Variants in CLVS1 observed in about 807,000 individuals in gnomAD.
CLVS1 encodes clavesin 1, also known as clavesin-1.
In CLVS1, 10 loss-of-function variants were observed where a neutral mutation model predicts 33.1. The ratio of observed to expected loss-of-function variants is 0.30; its 90% CI spans 0.19 to 0.51. The LOEUF (loss-of-function observed/expected upper bound fraction) is 0.51, where lower values mean the gene tolerates loss of function less well. Ranked by LOEUF, CLVS1 falls within the 20% of genes least tolerant of loss-of-function variation. The pLI is 0.97. For missense variants in CLVS1, 343 were observed against 433.4 expected, an observed-to-expected ratio of 0.79 and a Z score of 1.85; for synonymous variants, 163 against 166.1, an observed-to-expected ratio of 0.98 and a Z score of 0.14.
chr8:61,404,007 C>T (rs892009103), intron 3 of CLVS1, among the ~76,000 whole-genome samples: 2 of 152,094 alleles, frequency 1.3e-5, no homozygotes, highest in East Asian at 1.9e-4. Context: ...AATGAATAAT[C>T]GAAGCAAGAC....
At chr8:61,327,149 A>G (rs985076175) in intron 2 of CLVS1, among the ~76,000 whole-genome samples, 1 of 152,212 alleles carries the variant, frequency 6.6e-6, no homozygotes, top group Non-Finnish European at 1.5e-5. Context: ...TTAAAAGTGA[A>G]TCCTTTAGGA....
At position 61,376,632 on chromosome 8, in the gene CLVS1, C is replaced by A; in HGVS notation, c.483C>A (p.Ala161=). 1 of 1,614,004 alleles carries A rather than the reference C, an allele frequency of 6.2e-7. No individual in the cohort carries two copies. Among genetic ancestry groups the A allele is most frequent in the African/African-American group, 1.3e-5 (1 of 75,036 alleles). ...ACTCCTTCACAGACATCCTTCGTGC[C>A]ATCCTGCTGTCATTGGAAGTCCTAA... is the stretch of plus-strand genomic sequence containing the variant. ...SRNSFTDILR[A]ILLSLEVLIE... Residue 161 remains alanine (A), a synonymous_variant, in exon 3 of 6, where the codon GCC becomes GCA. Transcript: ENST00000325897.
chr8:61,001,765 C>T, the CLVS1 span, among the ~76,000 whole-genome samples: 5 of 152,228 alleles, frequency 3.3e-5, no homozygotes, highest in African/African-American at 1.2e-4. Context: ...CTAAACTCAA[C>T]TACTTTTCCC....
At chr8:61,376,907 C>A (rs1245527636) in intron 3 of CLVS1, 128 bp downstream of exon 3, 7 of 814,200 alleles carry the variant, frequency 8.6e-6, no homozygotes, top group Non-Finnish European at 1.3e-5. Context: ...CATCTGAGTA[C>A]TCCATGTTTT....
At chr8:61,049,259 C>T in the CLVS1 span, among the ~76,000 whole-genome samples, 2 of 152,128 alleles carry the variant, frequency 1.3e-5, no homozygotes, top group Non-Finnish European at 2.9e-5. Flanking sequence ...GTCACATGGC[C>T]CGCCCACAAG....
intron 2 of CLVS1, among the ~76,000 whole-genome samples, chr8:61,281,023 T>C (rs1175987085): frequency 6.6e-6 from 1 of 152,226 alleles, no homozygotes; most frequent in East Asian, 1.9e-4. Context: ...CTTTTCAGTG[T>C]TGGAGACAAT....
rs897092798 is a variant in CLVS1, at chr8:61,427,299, G to C, written c.631-26842G>C. Among the ~76,000 whole-genome samples, 7 of 151,780 alleles carry C rather than the reference G, an allele frequency of 4.6e-5. No individual in the cohort carries two copies. The East Asian group carries it at 1.4e-3, about 29-fold the overall frequency. ...ATACCTTCCAGCACCTGCTTTCTTGGTATCTCCCCCTTCCCTTTTTCTCAG... is the reference window on the plus strand; with the variant it reads ...ATACCTTCCAGCACCTGCTTTCTTGCTATCTCCCCCTTCCCTTTTTCTCAG... On this transcript the variant is annotated intron_variant, in intron 3 of 5. Transcript: ENST00000325897.
At chr8:61,257,393 G>A (rs972858764) in intron 2 of CLVS1, among the ~76,000 whole-genome samples, 9 of 152,170 alleles carry the variant, frequency 5.9e-5, no homozygotes, top group Non-Finnish European at 1.0e-4. Flanking sequence ...TTTTAAATAT[G>A]TTTTAACTCA....
chr8:61,148,076 C>A (rs1448485957), intron 2 of CLVS1, among the ~76,000 whole-genome samples: 1 of 152,224 alleles, frequency 6.6e-6, no homozygotes, highest in Non-Finnish European at 1.5e-5. Context: ...GAGCAGTGAT[C>A]TCTCAAATTC....
intron 2 of CLVS1, among the ~76,000 whole-genome samples, chr8:61,262,623 A>G (rs1473998227): frequency 2.0e-5 from 3 of 152,156 alleles, no homozygotes; most frequent in African/African-American, 7.2e-5. Flanking sequence ...CTTGTCTTTG[A>G]CTTCAGCACC....
intron 1 of CLVS1, among the ~76,000 whole-genome samples, chr8:61,068,104 C>G (rs1228601866): frequency 2.7e-5 from 4 of 150,910 alleles, no homozygotes; most frequent in Admixed American, 2.6e-4. Flanking sequence ...CCCAGAAGAT[C>G]GAGGCTGCAC....
intron 1 of CLVS1, among the ~76,000 whole-genome samples, chr8:61,069,972 T>C (rs935300181): frequency 7.9e-5 from 12 of 152,108 alleles, no homozygotes; most frequent in Non-Finnish European, 5.9e-5. Flanking sequence ...TTTGTATTTT[T>C]AGTAGAGACA....
At chr8:61,406,203 G>A (rs148224174) in intron 3 of CLVS1, among the ~76,000 whole-genome samples, 128 of 152,284 alleles carry the variant, frequency 8.4e-4, no homozygotes, top group Middle Eastern at 3.4e-3. Context: ...TGAGCTAAAA[G>A]CAGTAATTTC....
intron 1 of CLVS1, among the ~76,000 whole-genome samples, chr8:61,084,282 T>TA (rs1805078520): frequency 6.6e-6 from 1 of 152,208 alleles, no homozygotes; most frequent in Non-Finnish European, 1.5e-5. Context: ...CAGGCAAACC[T>TA]GGACAACTAG....
intron 2 of CLVS1, among the ~76,000 whole-genome samples, chr8:61,303,805 T>C (rs1306198838): frequency 1.3e-5 from 2 of 152,188 alleles, no homozygotes; most frequent in African/African-American, 4.8e-5. Context: ...TTGAATGACA[T>C]AACGCACTGA....
chr8:61,479,976 C>T (rs976503161), intron 5 of CLVS1, among the ~76,000 whole-genome samples: 3 of 152,190 alleles, frequency 2.0e-5, no homozygotes, highest in African/African-American at 7.2e-5. Context: ...GGCCGTGTGA[C>T]GTGTCAGTCC....
rs191638036 is a variant in CLVS1, at chr8:61,291,372, T to C, written c.-152+3234T>C. The stretch of plus-strand genomic sequence containing the variant: ...CTAGGATGCTTGTAGCCAAATCTGT[T>C]CCTAAATGTTGTGCAGACCACTGAT... On this transcript the variant is annotated intron_variant, in intron 1 of 5. Transcript: ENST00000325897. Among the ~76,000 whole-genome samples, 102 of 152,348 alleles carry C rather than the reference T, an allele frequency of 6.7e-4. No homozygotes were observed. In the East Asian group the frequency reaches 0.017, roughly 25 times the overall value.
At chr8:61,094,958 A>G (rs913626992) in intron 1 of CLVS1, among the ~76,000 whole-genome samples, 1 of 152,244 alleles carries the variant, frequency 6.6e-6, no homozygotes, top group Non-Finnish European at 1.5e-5. Context: ...TATGTTTTCA[A>G]TGTAAACCCC....
intron 3 of CLVS1, among the ~76,000 whole-genome samples, chr8:61,390,331 A>G (rs1814254207): frequency 6.6e-6 from 1 of 152,208 alleles, no homozygotes; most frequent in South Asian, 2.1e-4. Context: ...GTATTAACCA[A>G]TTCCCAACTG....
Sources: allele counts gnomAD v4.1 joint callset (sites outside exome capture counted in the v4.1 genomes callset), GRCh38; gene constraint gnomAD v4.1.1; transcripts MANE v1.5; gene names NCBI Gene and HGNC (gene_info 2026-07-23, HGNC 2026-07-21).